The following GRM1 variants were observed in gnomAD, a reference collection of about 807,000 sequenced individuals.
The protein encoded by GRM1 is glutamate metabotropic receptor 1.
GRM1 carries 33 observed loss-of-function variants against 90.9 expected under a neutral mutation model. The observed-to-expected ratio is 0.36, with a 90% CI of 0.28 to 0.49. GRM1 has a LOEUF of 0.49. Ranked by LOEUF, GRM1 falls within the 20% of genes least tolerant of loss-of-function variation. The probability of loss-of-function intolerance (pLI) is 0.99; values close to 1 mark genes in which losing one functional copy is unlikely to be tolerated. For synonymous variants in GRM1, 700 were observed against 613.2 expected, an observed-to-expected ratio of 1.14 and a Z score of -2.09; for missense variants, 1,190 against 1,534.3, an observed-to-expected ratio of 0.78 and a Z score of 3.75.
chr6:146,267,620 AGGCTGGGCTGGGCTGGGCTGCGCTG>A (rs1562568430), intron 2 of GRM1, among the ~76,000 whole-genome samples: 2 of 75,064 alleles, frequency 2.7e-5, no homozygotes, highest in East Asian at 9.9e-4. Flanking sequence ...GTAGGCTGGG[AGGCTGGGCTGGGCTGGGCTGCGCTG>A]GGCTGGGCTG....
intron 2 of GRM1, among the ~76,000 whole-genome samples, chr6:146,302,181 A>G (rs1230784891): frequency 6.6e-6 from 1 of 151,002 alleles, no homozygotes; most frequent in Non-Finnish European, 1.5e-5. Context: ...CCTTCTCCTC[A>G]CCTGACTAAG....
chr6:146,150,276 A>C (rs1393166629), intron 1 of GRM1, among the ~76,000 whole-genome samples: 2 of 152,212 alleles, frequency 1.3e-5, no homozygotes, highest in Non-Finnish European at 2.9e-5. Context: ...AGATTTTATC[A>C]TAAGAAATTT....
intron 2 of GRM1, among the ~76,000 whole-genome samples, chr6:146,258,070 T>C (rs187482490): frequency 1.6e-3 from 247 of 152,248 alleles, no homozygotes; most frequent in African/African-American, 5.6e-3. Flanking sequence ...CAGTTACTGT[T>C]GTATGAGCAA....
At chr6:146,266,615 G>A (rs996481198) in intron 2 of GRM1, among the ~76,000 whole-genome samples, 2 of 152,078 alleles carry the variant, frequency 1.3e-5, no homozygotes, top group Admixed American at 6.5e-5. Context: ...CCACACTCCC[G>A]CTGTCCTAGT....
At chr6:146,196,458 T>A (rs1779123704) in intron 2 of GRM1, among the ~76,000 whole-genome samples, 1 of 145,056 alleles carries the variant, frequency 6.9e-6, no homozygotes, top group Non-Finnish European at 1.5e-5. Context: ...CGGCTAATTT[T>A]TTGTATTTTT....
intron 1 of GRM1, among the ~76,000 whole-genome samples, chr6:146,073,984 A>G (rs1776101099): frequency 6.6e-6 from 1 of 152,178 alleles, no homozygotes; most frequent in East Asian, 1.9e-4. Flanking sequence ...TAGTTAACAT[A>G]ATGTATGAAT....
At chr6:146,379,281 G>T (rs954607479) in intron 5 of GRM1, among the ~76,000 whole-genome samples, 1 of 150,436 alleles carries the variant, frequency 6.6e-6, no homozygotes, top group African/African-American at 2.5e-5. Flanking sequence ...TTATTCTTTT[G>T]TCTCCTCTGA....
At chr6:146,380,882 G>T (rs570007638) in intron 5 of GRM1, among the ~76,000 whole-genome samples, 1 of 152,242 alleles carries the variant, frequency 6.6e-6, no homozygotes, top group East Asian at 1.9e-4. Flanking sequence ...CAACAGGTTC[G>T]CTTCTGGCCC....
intron 3 of GRM1, among the ~76,000 whole-genome samples, chr6:146,315,036 T>C (rs149728116): frequency 1.3e-5 from 2 of 152,194 alleles, no homozygotes; most frequent in Non-Finnish European, 2.9e-5. Flanking sequence ...GTTATATTTA[T>C]GGTATAGTTC....
chr6:146,170,059 CT>C (rs889989875), intron 2 of GRM1, among the ~76,000 whole-genome samples: 228 of 152,042 alleles, frequency 1.5e-3, no homozygotes, highest in African/African-American at 5.3e-3. Context: ...TGGCTAACAA[CT>C]TTTTTTTCCC....
At chr6:146,093,135 G>T (rs1776765674) in intron 1 of GRM1, among the ~76,000 whole-genome samples, 1 of 151,966 alleles carries the variant, frequency 6.6e-6, no homozygotes, top group Admixed American at 6.6e-5. Context: ...ATTGCTTCAG[G>T]TTATTCCCAT....
chr6:146,081,182 G>C (rs1205701355), intron 1 of GRM1, among the ~76,000 whole-genome samples: 3 of 152,180 alleles, frequency 2.0e-5, no homozygotes, highest in Admixed American at 6.5e-5. Flanking sequence ...GAGAGGGTGT[G>C]GGTGGGAGAA....
chr6:146,092,715 G>C (rs1240854289), intron 1 of GRM1, among the ~76,000 whole-genome samples: 1 of 152,094 alleles, frequency 6.6e-6, no homozygotes, highest in Non-Finnish European at 1.5e-5. Context: ...CTGCATGGAA[G>C]CTGGAAGCCT....
At chr6:146,217,382 G>A (rs528336273) in intron 2 of GRM1, among the ~76,000 whole-genome samples, 2 of 152,116 alleles carry the variant, frequency 1.3e-5, no homozygotes. Flanking sequence ...CGTTCTTCTC[G>A]ACTGATAACA....
rs561058953 is a variant in GRM1 at position 146,241,273 on chromosome 6, A to G, written c.951-63338A>G. ...GTGCTAATTTTCTTCAACAAATGAG[A>G]CATGTATAAGATACCGGATGCTTTG... On this transcript the variant is annotated intron_variant, in intron 2 of 7. Transcript: ENST00000282753. 7.8e-4 allele frequency among the ~76,000 whole-genome samples: 118 copies of G among 152,236 alleles called. 2 individuals are homozygous for G. Among genetic ancestry groups the G allele is most frequent in the Middle Eastern group, 3.4e-3 (1 of 294 alleles).
chr6:146,214,721 T>C (rs1435638576), intron 2 of GRM1, among the ~76,000 whole-genome samples: 1 of 152,156 alleles, frequency 6.6e-6, no homozygotes, highest in Non-Finnish European at 1.5e-5. Flanking sequence ...TAAATACTTC[T>C]TTTGGATATA....
chr6:146,275,326 G>A (rs980056005), intron 2 of GRM1, among the ~76,000 whole-genome samples: 3 of 152,168 alleles, frequency 2.0e-5, no homozygotes, highest in Non-Finnish European at 4.4e-5. Flanking sequence ...AGAGGTAAGG[G>A]CATCTAAGTG....
intron 1 of GRM1, among the ~76,000 whole-genome samples, chr6:146,111,024 A>G (rs933564377): frequency 3.3e-5 from 5 of 152,242 alleles, no homozygotes; most frequent in Admixed American, 2.6e-4. Flanking sequence ...ACATGAGTCC[A>G]TACACAGCTG....
intron 3 of GRM1, among the ~76,000 whole-genome samples, chr6:146,350,935 T>C (rs971063070): frequency 4.6e-5 from 7 of 152,230 alleles, no homozygotes; most frequent in African/African-American, 1.7e-4. Flanking sequence ...CTGGGTATTT[T>C]ATATGTCACT....
Sources: allele counts gnomAD v4.1 joint callset (sites outside exome capture counted in the v4.1 genomes callset), GRCh38; gene constraint gnomAD v4.1.1; transcripts MANE v1.5; gene names NCBI Gene and HGNC (gene_info 2026-07-23, HGNC 2026-07-21).